The following CFAP47 variants were observed in gnomAD, a reference collection of about 807,000 sequenced individuals.
CFAP47 encodes the protein cilia- and flagella-associated protein 47.
Under a neutral mutation model 148.1 loss-of-function variants are expected in CFAP47, and 29 were observed. That is an observed-to-expected ratio of 0.20 (90% confidence interval 0.15 to 0.27). The LOEUF is 0.27. Among genes scored for constraint, CFAP47 ranks in the 10% least tolerant of loss-of-function variants. CFAP47 has a pLI of 1.00. For synonymous variants in CFAP47, 664 were observed against 577.3 expected, an observed-to-expected ratio of 1.15 and a Z score of -2.15; for missense variants, 1,872 against 1,697.5, an observed-to-expected ratio of 1.10 and a Z score of -1.81.
At chrX:36,153,121 C>G (rs937577525) in intron 37 of CFAP47, among the ~76,000 whole-genome samples, 15 of 111,233 alleles carry the variant, frequency 1.3e-4, no homozygotes, top group Admixed American at 5.7e-4. Context: ...ATGATTCTTC[C>G]TAAGGCAAAT....
chrX:36,106,790 G>T (rs1254672721), intron 33 of CFAP47, among the ~76,000 whole-genome samples: 1 of 111,763 alleles, frequency 8.9e-6, no homozygotes, highest in Non-Finnish European at 1.9e-5. Flanking sequence ...ATAGAGACAG[G>T]AAAAAGATCA....
intron 21 of CFAP47, among the ~76,000 whole-genome samples, chrX:36,007,953 A>G (rs1167203595): frequency 9.0e-6 from 1 of 111,431 alleles, no homozygotes; most frequent in East Asian, 2.8e-4. Flanking sequence ...ATTATCATTG[A>G]CAGTCACCAA....
intron 33 of CFAP47, among the ~76,000 whole-genome samples, chrX:36,124,257 G>A (rs1938798465): frequency 9.0e-6 from 1 of 111,543 alleles, no homozygotes; most frequent in Non-Finnish European, 1.9e-5. Context: ...TGGGGTTAGG[G>A]AAGAGGTGAT....
At chrX:36,237,816 G>A (rs1267570043) in intron 48 of CFAP47, among the ~76,000 whole-genome samples, 1 of 111,328 alleles carries the variant, frequency 9.0e-6, no homozygotes, top group Non-Finnish European at 1.9e-5. Context: ...TTTTAGAGGG[G>A]ACTACAGAAG....
At chrX:36,279,640 T>C (rs782031354) in intron 49 of CFAP47, among the ~76,000 whole-genome samples, 6 of 112,087 alleles carry the variant, frequency 5.4e-5, no homozygotes, top group Non-Finnish European at 1.1e-4. Context: ...TACCAACTTA[T>C]ATAGGTCAAC....
At chrX:36,175,196 AT>A (rs1311975740) in intron 39 of CFAP47, among the ~76,000 whole-genome samples, 3 of 110,646 alleles carry the variant, frequency 2.7e-5, no homozygotes, top group African/African-American at 9.9e-5. Context: ...CTAGTTATAC[AT>A]TCTTCTAAAT....
intron 39 of CFAP47, among the ~76,000 whole-genome samples, chrX:36,168,784 T>C (rs1939525960): frequency 9.0e-6 from 1 of 111,707 alleles, no homozygotes; most frequent in Non-Finnish European, 1.9e-5. Flanking sequence ...AAAATGAAAA[T>C]TTACAGCTTG....
At position 36,379,104 on chromosome X, in the gene CFAP47, G is replaced by A. The variant is rs373989118; in HGVS notation, c.9186-246G>A. On this transcript the variant is annotated intron_variant, in intron 62 of 63. Coordinates refer to ENST00000378653, the MANE Select transcript of CFAP47 (RefSeq NM_001304548.2). ...TGGGATTATAGGCGTGAGCCACCAC[G>A]CCCAGCCTCTTTGTGCATTATAAGA... Among the ~76,000 whole-genome samples, 14 of 101,546 alleles carry A rather than the reference G, an allele frequency of 1.4e-4. No homozygotes were observed. In the East Asian group the frequency reaches 1.5e-3, roughly 11 times the overall value. The allele number at this position is 101,546 out of a possible 115,157, so 88.2% of individuals were successfully genotyped here.
intron 26 of CFAP47, among the ~76,000 whole-genome samples, chrX:36,047,411 A>G (rs1300532185): frequency 8.9e-6 from 1 of 112,080 alleles, no homozygotes; most frequent in African/African-American, 3.2e-5. Context: ...GCAATTGGAC[A>G]GGAAATAACC....
In CFAP47 at chrX:36,205,035, T is replaced by C; in HGVS notation, c.6742T>C (p.Tyr2248His). 3.4e-6 allele frequency: 1 copy of C among 297,353 alleles called. No homozygotes were observed. 24.5% of individuals were successfully genotyped at this position (297,353 alleles called of 1,213,427 possible). A position where few individuals can be genotyped will look rare whatever the true frequency, so the allele number is the denominator to read the frequency against. The change falls in exon 45 of 64, where the codon TAT becomes CAT. Residue 2248 changes from tyrosine (Y) to histidine (H), a missense_variant. Physicochemically the swap from Tyr to His is moderately conservative, Grantham distance 83. Coordinates refer to ENST00000378653, the MANE Select transcript of CFAP47 (RefSeq NM_001304548.2). ...CACAACAGAAGTGAGCCTTCCAAAGTATTTTTATATCCCTGAGAAAATCTC... is the reference window on the plus strand; with the variant it reads ...CACAACAGAAGTGAGCCTTCCAAAGCATTTTTATATCCCTGAGAAAATCTC... ...SYTTEVSLPK[Y>H]FYIPEKISIP...
intron 51 of CFAP47, among the ~76,000 whole-genome samples, chrX:36,289,196 C>A (rs1941167968): frequency 9.1e-6 from 1 of 109,313 alleles, no homozygotes; most frequent in Non-Finnish European, 1.9e-5. Flanking sequence ...GATGGGGTTT[C>A]TCCATGTCGG....
intron 39 of CFAP47, among the ~76,000 whole-genome samples, chrX:36,162,339 C>T (rs1426670975): frequency 2.7e-5 from 3 of 110,681 alleles, no homozygotes; most frequent in Non-Finnish European, 5.7e-5. Flanking sequence ...ATGTGCAAAA[C>T]CAATATTGTG....
intron 49 of CFAP47, among the ~76,000 whole-genome samples, chrX:36,255,407 C>T (rs781952068): frequency 8.9e-6 from 1 of 112,688 alleles, no homozygotes; most frequent in Non-Finnish European, 1.9e-5. Flanking sequence ...CTTCAGCCAA[C>T]TCATTAAGGC....
chrX:36,277,681 C>G (rs1479644013), intron 49 of CFAP47, among the ~76,000 whole-genome samples: 1 of 112,188 alleles, frequency 8.9e-6, no homozygotes, highest in Admixed American at 9.4e-5. Flanking sequence ...TCTGTCCTGT[C>G]CAGTATTAAA....
chrX:36,198,573 G>A (rs782629915), intron 42 of CFAP47, among the ~76,000 whole-genome samples: 3 of 112,641 alleles, frequency 2.7e-5, no homozygotes, highest in Non-Finnish European at 5.6e-5. Flanking sequence ...GGTTATCCCC[G>A]TAAGTGACAG....
chrX:36,157,685 T>G (rs897773692), intron 37 of CFAP47, among the ~76,000 whole-genome samples: 2 of 107,541 alleles, frequency 1.9e-5, no homozygotes, highest in African/African-American at 3.4e-5. Context: ...AATAGTGGTG[T>G]TTTTTTTTTC....
At chrX:36,129,801 G>T (rs921068962) in intron 33 of CFAP47, among the ~76,000 whole-genome samples, 4 of 110,925 alleles carry the variant, frequency 3.6e-5, no homozygotes, top group African/African-American at 1.3e-4. Flanking sequence ...TGAGGAAAAA[G>T]GAATATTTCA....
At position 36,049,546 on chromosome X, in the gene CFAP47, C is replaced by G. The variant is rs1216555428; in HGVS notation, c.4217+2483C>G. ...CACACACTAGTGAAACTTCTGTGTT[C>G]CACATATAGTAATGATAGAATTACA... On this transcript the variant is annotated intron_variant, in intron 26 of 63. Transcript: ENST00000378653. Among the ~76,000 whole-genome samples, 7 of 106,979 alleles carry G rather than the reference C, an allele frequency of 6.5e-5. 1 individual carries two copies. The highest frequency in any genetic ancestry group is 1.4e-4 in the Non-Finnish European group (7 of 51,695). 92.9% of individuals were successfully genotyped at this position (106,979 alleles called of 115,157 possible).
chrX:36,063,961 G>C (rs895949190), intron 26 of CFAP47, among the ~76,000 whole-genome samples: 3 of 112,290 alleles, frequency 2.7e-5, no homozygotes, highest in Non-Finnish European at 3.8e-5. Context: ...ACAGGTGTTG[G>C]CTATGGGCCT....
Sources: gnomAD v4.1 joint callset for allele counts (sites outside exome capture counted in the v4.1 genomes callset) on GRCh38, gnomAD v4.1.1 for gene constraint, MANE v1.5 for transcripts, NCBI Gene and HGNC (gene_info 2026-07-23, HGNC 2026-07-21) for gene names.